Variants in KDSR observed in about 807,000 individuals in gnomAD.
The protein encoded by KDSR is 3-dehydrosphinganine reductase.
KDSR carries 23 observed loss-of-function variants against 41.3 expected under a neutral mutation model. That is an observed-to-expected ratio of 0.56 (90% CI 0.40 to 0.79). The LOEUF (loss-of-function observed/expected upper bound fraction) is 0.79, where lower values mean the gene tolerates loss of function less well. KDSR is among the 30% of genes least tolerant of loss of function. The pLI is 0.00. For missense variants in KDSR, 351 were observed against 416.8 expected (o/e 0.84, Z 1.37); for synonymous variants, 138 against 151.7 (o/e 0.91, Z 0.66).
intron 8 of KDSR, among the ~76,000 whole-genome samples, chr18:63,336,640 G>A (rs1177488695): frequency 3.3e-5 from 5 of 152,156 alleles, no homozygotes; most frequent in Admixed American, 1.3e-4. Flanking sequence ...ATAATGTTAC[G>A]AAATCATGAA....
Position 63,329,444 on chromosome 18 carries a change from G to A in KDSR, c.*2338C>T, listed in dbSNP as rs538938667. 8.2e-5 allele frequency: 17 copies of A among 206,626 alleles called. No homozygotes were observed. In the South Asian group the frequency reaches 1.3e-3, roughly 16 times the overall value. The allele number at this position is 206,626 out of a possible 1,614,324, so 12.8% of individuals were successfully genotyped here. On this transcript the variant is annotated 3_prime_UTR_variant, in exon 10 of 10. Transcript: ENST00000645214. ...CAGATTTTGCTGCCAAATGAATTAC[G>A]GTATCAAATTTAGAAAAACACAAAC...
chr18:63,353,286 G>A (rs1314810743), intron 5 of KDSR, among the ~76,000 whole-genome samples: 1 of 152,124 alleles, frequency 6.6e-6, no homozygotes, highest in South Asian at 2.1e-4. Context: ...TCTCCGTAAA[G>A]AGATGTTTTT....
At chr18:63,354,602 A>G (rs1914747481) in intron 5 of KDSR, among the ~76,000 whole-genome samples, 1 of 152,220 alleles carries the variant, frequency 6.6e-6, no homozygotes, top group South Asian at 2.1e-4. Context: ...TGAGAGGTGG[A>G]GGTTGCAGTG....
Position 63,331,348 on chromosome 18 carries a change from C to G in KDSR, c.*434G>C, listed in dbSNP as rs2144343317. 4.3e-6 allele frequency: 1 copy of G among 231,210 alleles called. No individual in the cohort carries two copies. Among genetic ancestry groups the G allele is most frequent in the South Asian group, 1.9e-4 (1 of 5,394 alleles). 14.3% of individuals were successfully genotyped at this position (231,210 alleles called of 1,614,324 possible). On this transcript the variant is annotated 3_prime_UTR_variant, in exon 10 of 10. Coordinates refer to ENST00000645214, the MANE Select transcript of KDSR (RefSeq NM_002035.4). The stretch of plus-strand genomic sequence containing the variant: ...AGACAGAGAGAGAGAGAGAGAGAAC[C>G]CGAGAAACCGAAAATTGTTTTTTTA...
chr18:63,352,482 T>C (rs1328367976), intron 5 of KDSR, among the ~76,000 whole-genome samples: 1 of 152,068 alleles, frequency 6.6e-6, no homozygotes, highest in Non-Finnish European at 1.5e-5. Context: ...GCCTAGCTAA[T>C]TTTTTGTATT....
intron 9 of KDSR, among the ~76,000 whole-genome samples, chr18:63,334,396 G>A (rs1914096196): frequency 6.7e-6 from 1 of 149,492 alleles, no homozygotes; most frequent in South Asian, 2.1e-4. Flanking sequence ...TGTAGCCTAG[G>A]CTGGAGTGCA....
chr18:63,361,368 A>T (rs553707162), intron 2 of KDSR, among the ~76,000 whole-genome samples: 10 of 151,894 alleles, frequency 6.6e-5, no homozygotes, highest in African/African-American at 2.2e-4. Context: ...ACTTGCATCA[A>T]AACTGGTGTT....
Position 63,331,047 on chromosome 18 carries a change from A to C in KDSR, c.*735T>G, listed in dbSNP as rs1913968240. The C allele has an allele frequency of 1.3e-5, 3 of 232,632 alleles. No individual in the cohort carries two copies. Among genetic ancestry groups the C allele is most frequent in the Admixed American group, 5.6e-5 (1 of 17,744 alleles). 14.4% of individuals were successfully genotyped at this position (232,632 alleles called of 1,614,324 possible). ...TCCCTAAGCATTTGAGTCTAAAGAC[A>C]AGAAAGCATTGCTTTTCCTACTGGA... On this transcript the variant is annotated 3_prime_UTR_variant, in exon 10 of 10. Coordinates refer to ENST00000645214, the MANE Select transcript of KDSR (RefSeq NM_002035.4).
chr18:63,348,480 G>A (rs1914578570), intron 6 of KDSR, among the ~76,000 whole-genome samples: 1 of 152,038 alleles, frequency 6.6e-6, no homozygotes, highest in Non-Finnish European at 1.5e-5. Context: ...GTTCTACTAC[G>A]AACAAACTAC....
In KDSR at chr18:63,362,778, C is replaced by A. The variant is rs1915025961; in HGVS notation, c.198+1G>T. 1 of 1,603,334 alleles carries A rather than the reference C, an allele frequency of 6.2e-7. No individual in the cohort carries two copies. On this transcript the variant is annotated splice_donor_variant, in intron 2 of 9. Coordinates refer to ENST00000645214, the MANE Select transcript of KDSR (RefSeq NM_002035.4). LOFTEE classifies it high-confidence loss of function. ...AGTAATAATGAACCTAGAAGCCTTA[C>A]CTCATTTCGTGCAACCAGAGTTATA... is the stretch of plus-strand genomic sequence containing the variant.
At chr18:63,366,117 C>T (rs1420364258) in intron 1 of KDSR, 1 of 152,152 alleles carries the variant, frequency 6.6e-6, no homozygotes, top group African/African-American at 2.4e-5. Context: ...CGAGAATGCT[C>T]GTGAGAAAGC....
intron 3 of KDSR, among the ~76,000 whole-genome samples, chr18:63,357,594 A>ATTTTTTTTTT (rs1230632686): frequency 1.7e-5 from 2 of 120,808 alleles, no homozygotes; most frequent in African/African-American, 6.4e-5. Flanking sequence ...ATATATATAT[A>ATTTTTTTTTT]TTTTTTTTTG....
At position 63,329,962 on chromosome 18, in the gene KDSR, T is replaced by C. The variant is rs190546362; in HGVS notation, c.*1820A>G. On this transcript the variant is annotated 3_prime_UTR_variant, in exon 10 of 10. Coordinates refer to ENST00000645214, the MANE Select transcript of KDSR (RefSeq NM_002035.4). ...TGGCTCTGTAAGACTGAAAGATTTA[T>C]GAAACCATTCTGGCATCAACCCATC... 5.3e-6 allele frequency: 1 copy of C among 189,896 alleles called. No homozygotes were observed. The highest frequency in any genetic ancestry group is 8.3e-5 in the East Asian group (1 of 11,980). The allele number at this position is 189,896 out of a possible 1,614,324, so 11.8% of individuals were successfully genotyped here. A position where few individuals can be genotyped will look rare whatever the true frequency, so the allele number is the denominator to read the frequency against.
rs1462763722 is a variant in KDSR at position 63,328,558 on chromosome 18, C to T, written c.*3224G>A. 1.9e-5 allele frequency: 3 copies of T among 156,590 alleles called. No homozygotes were observed. Among genetic ancestry groups the T allele is most frequent in the African/African-American group, 7.2e-5 (3 of 41,712 alleles). 9.7% of individuals were successfully genotyped at this position (156,590 alleles called of 1,614,324 possible). A position where few individuals can be genotyped will look rare whatever the true frequency, so the allele number is the denominator to read the frequency against. The stretch of plus-strand genomic sequence containing the variant: ...TGTATTTTCAGTAGAGACGGGGTTT[C>T]ACCATGTTGGCCAGGCTGGTCTCGA... On this transcript the variant is annotated 3_prime_UTR_variant, in exon 10 of 10. Coordinates refer to ENST00000645214, the MANE Select transcript of KDSR (RefSeq NM_002035.4).
In KDSR at chr18:63,367,105, G is replaced by A; in HGVS notation, c.14C>T (p.Ala5Val). 1 of 1,332,286 alleles carries A rather than the reference G, an allele frequency of 7.5e-7. No individual in the cohort carries two copies. Among genetic ancestry groups the A allele is most frequent in the East Asian group, 2.8e-5 (1 of 36,102 alleles). 82.5% of individuals were successfully genotyped at this position (1,332,286 alleles called of 1,614,324 possible). MLLL[A>V]AAFLVAFVLL... ...CACGAAGGCCACGAGGAAGGCGGCA[G>A]CCAGCAGCAGCATCGCTCCGCGGGG... The change falls in exon 1 of 10, where the codon GCT becomes GTT. Residue 5 changes from alanine (A) to valine (V), a missense_variant. Transcript: ENST00000645214.
At chr18:63,366,666 T>G in intron 1 of KDSR, 1 of 211,142 alleles carries the variant, frequency 4.7e-6, no homozygotes, top group East Asian at 9.8e-5. Flanking sequence ...AGTTGACTCA[T>G]CGGAAAAACT....
intron 6 of KDSR, among the ~76,000 whole-genome samples, chr18:63,348,468 A>G (rs111707636): frequency 2.8e-4 from 43 of 152,314 alleles, no homozygotes; most frequent in African/African-American, 1.0e-3. Context: ...GGTTTGATGC[A>G]AGTTCTACTA....
chr18:63,331,290 GAGACAGAGAGAC>G lies in KDSR; in HGVS notation c.*480_*491del, dbSNP rs757049762. ...AAAGAGAGAGAGAGAGAGAGACAGAGAGACAGAGAGACAGAGAGACAGAGAGACAGAGAGACA... is the reference window on the plus strand; with the variant it reads ...AAAGAGAGAGAGAGAGAGAGACAGAGAGAGAGACAGAGAGACAGAGAGACA... On this transcript the variant is annotated 3_prime_UTR_variant, in exon 10 of 10. Transcript: ENST00000645214. 8.5e-4 allele frequency: 172 copies of G among 201,194 alleles called. 1 individual carries two copies. Among genetic ancestry groups the G allele is most frequent in the South Asian group, 2.3e-3 (9 of 3,938 alleles). 12.5% of individuals were successfully genotyped at this position (201,194 alleles called of 1,614,324 possible). A position where few individuals can be genotyped will look rare whatever the true frequency, so the allele number is the denominator to read the frequency against.
At chr18:63,335,619 T>G in intron 8 of KDSR, 1 of 350,114 alleles carries the variant, frequency 2.9e-6, no homozygotes, top group Non-Finnish European at 5.3e-6. Flanking sequence ...TTTTCCACAG[T>G]GTGTTGTATG....
Sources: gnomAD v4.1 joint callset for allele counts (sites outside exome capture counted in the v4.1 genomes callset) on GRCh38, gnomAD v4.1.1 for gene constraint, MANE v1.5 for transcripts, NCBI Gene and HGNC (gene_info 2026-07-23, HGNC 2026-07-21) for gene names.